The following CSMD1 variants were observed in gnomAD, a reference collection of about 807,000 sequenced individuals.
The protein encoded by CSMD1 is CUB and Sushi multiple domains 1, also known as CUB and sushi domain-containing protein 1.
In CSMD1, 213 loss-of-function variants were observed where a neutral mutation model predicts 417.5. The observed-to-expected ratio is 0.51, with a 90% CI of 0.46 to 0.57. The LOEUF is 0.57. CSMD1 is among the 20% of genes least tolerant of loss of function. The pLI, the probability that CSMD1 is intolerant of heterozygous loss-of-function variation, is 0.00. For synonymous variants in CSMD1, 2,862 were observed against 1,736.8 expected (o/e 1.65, Z -16.11); for missense variants, 6,923 against 4,529.7 (o/e 1.53, Z -15.17).
chr8:3,518,576 A>G (rs1401109890), intron 10 of CSMD1, among the ~76,000 whole-genome samples: 1 of 152,238 alleles, frequency 6.6e-6, no homozygotes, highest in Non-Finnish European at 1.5e-5. Context: ...GTAAATTAGA[A>G]TGCAACAATA....
chr8:3,042,670 T>C (rs968469830), intron 50 of CSMD1, among the ~76,000 whole-genome samples: 2 of 152,188 alleles, frequency 1.3e-5, no homozygotes, highest in Non-Finnish European at 2.9e-5. Context: ...CAAGCTCCCA[T>C]GTATACTCTG....
At chr8:3,529,982 AT>A (rs967556389) in intron 10 of CSMD1, among the ~76,000 whole-genome samples, 1 of 152,040 alleles carries the variant, frequency 6.6e-6, no homozygotes, top group African/African-American at 2.4e-5. Context: ...GCCATATGTC[AT>A]TTTTGTTTCC....
At chr8:3,521,823 G>C (rs1585297585) in intron 10 of CSMD1, among the ~76,000 whole-genome samples, 2 of 152,130 alleles carry the variant, frequency 1.3e-5, no homozygotes, top group African/African-American at 2.4e-5. Context: ...CACCTTCTTA[G>C]CTTTAAGAAA....
intron 11 of CSMD1, among the ~76,000 whole-genome samples, chr8:3,476,063 C>T (rs1817395711): frequency 6.6e-6 from 1 of 152,196 alleles, no homozygotes; most frequent in African/African-American, 2.4e-5. Context: ...GTGTTAAGGG[C>T]TGGAGGTGAT....
chr8:4,583,354 A>G (rs967912160), intron 2 of CSMD1, among the ~76,000 whole-genome samples: 3 of 151,872 alleles, frequency 2.0e-5, no homozygotes, highest in Non-Finnish European at 2.9e-5. Context: ...AAATACACCA[A>G]TCGGCATTCT....
rs142711514 is a variant in CSMD1 at position 4,780,415 on chromosome 8, A to ATCTGTCTG, written c.86-142865_86-142858dup. Among the ~76,000 whole-genome samples the ATCTGTCTG allele has an allele frequency of 7.0e-3, 1,063 of 151,740 alleles. 8 individuals carry two copies. Among genetic ancestry groups the ATCTGTCTG allele is most frequent in the African/African-American group, 0.024 (988 of 41,314 alleles). On this transcript the variant is annotated intron_variant, in intron 1 of 69. Coordinates refer to ENST00000635120, the MANE Select transcript of CSMD1 (RefSeq NM_033225.6). ...GCAGTTCATTCTGATTGATCAGTCG[A>ATCTGTCTG]TCTGTCTGTCTGTCTGTCTGTCTAC...
At chr8:4,953,973 C>G (rs1808913319) in intron 1 of CSMD1, among the ~76,000 whole-genome samples, 1 of 152,150 alleles carries the variant, frequency 6.6e-6, no homozygotes, top group Non-Finnish European at 1.5e-5. Flanking sequence ...TTAAGAAATA[C>G]TACCGAGATT....
intron 3 of CSMD1, among the ~76,000 whole-genome samples, chr8:4,275,049 C>T (rs1023421980): frequency 6.6e-6 from 1 of 152,012 alleles, no homozygotes; most frequent in African/African-American, 2.4e-5. Context: ...ACTACTTGCT[C>T]CAAGAAATTC....
chr8:4,885,291 CCTT>C (rs1392900707), intron 1 of CSMD1, among the ~76,000 whole-genome samples: 1 of 151,956 alleles, frequency 6.6e-6, no homozygotes, highest in Non-Finnish European at 1.5e-5. Context: ...AGATAGTTTT[CCTT>C]CTTTTTTTTA....
intron 26 of CSMD1, among the ~76,000 whole-genome samples, chr8:3,250,215 C>T (rs1222121700): frequency 1.3e-5 from 2 of 152,178 alleles, no homozygotes; most frequent in Admixed American, 1.3e-4. Flanking sequence ...CTGATCCCCC[C>T]ACCCCACAAC....
At chr8:4,456,844 C>T (rs1338326877) in intron 2 of CSMD1, among the ~76,000 whole-genome samples, 1 of 152,042 alleles carries the variant, frequency 6.6e-6, no homozygotes, top group Non-Finnish European at 1.5e-5. Flanking sequence ...AGGACCCATC[C>T]TGACCAAGCC....
chr8:3,873,396 C>G (rs564122859), intron 5 of CSMD1, among the ~76,000 whole-genome samples: 3 of 152,092 alleles, frequency 2.0e-5, no homozygotes, highest in Non-Finnish European at 2.9e-5. Context: ...AGATCATGTC[C>G]TTGGCAGGCA....
intron 1 of CSMD1, among the ~76,000 whole-genome samples, chr8:4,727,150 C>G (rs1389322006): frequency 6.6e-6 from 1 of 152,106 alleles, no homozygotes; most frequent in Non-Finnish European, 1.5e-5. Context: ...GGACACTTCG[C>G]TCTCAATCCA....
chr8:4,901,307 C>T (rs1013926165), intron 1 of CSMD1, among the ~76,000 whole-genome samples: 1 of 152,128 alleles, frequency 6.6e-6, no homozygotes, highest in African/African-American at 2.4e-5. Flanking sequence ...TTTTATTCCG[C>T]TTGTGTCATC....
chr8:4,587,565 G>C (rs545159816), intron 2 of CSMD1, among the ~76,000 whole-genome samples: 9 of 152,070 alleles, frequency 5.9e-5, no homozygotes, highest in Admixed American at 5.9e-4. Flanking sequence ...TTTTGATACA[G>C]AACCTTTCCT....
intron 5 of CSMD1, among the ~76,000 whole-genome samples, chr8:3,965,154 T>C (rs1563261524): frequency 6.6e-6 from 1 of 152,186 alleles, no homozygotes; most frequent in Non-Finnish European, 1.5e-5. Flanking sequence ...TAATAGTTTC[T>C]TGCTTTTTAA....
At chr8:4,622,314 C>T (rs12335285) in intron 2 of CSMD1, among the ~76,000 whole-genome samples, 65,922 of 151,610 alleles carry the variant, frequency 0.43, 14,888 homozygotes, top group African/African-American at 0.56. Context: ...GATTTAGTGG[C>T]CCACCGGGCA....
In CSMD1 at chr8:3,811,421, A is replaced by G. The variant is rs547597315; in HGVS notation, c.819-57379T>C. 3.0e-4 allele frequency among the ~76,000 whole-genome samples: 45 copies of G among 152,238 alleles called. No individual in the cohort carries two copies. In the South Asian group the frequency reaches 4.8e-3, roughly 16 times the overall value. ...GACCATGTAGTAAGGCATTTGCTTC[A>G]TGTTCGACTTACTGGGAGTGGGCAT... On this transcript the variant is annotated intron_variant, in intron 5 of 69. Coordinates refer to ENST00000635120, the MANE Select transcript of CSMD1 (RefSeq NM_033225.6).
At chr8:4,144,037 G>A (rs1021466879) in intron 3 of CSMD1, among the ~76,000 whole-genome samples, 19 of 151,230 alleles carry the variant, frequency 1.3e-4, no homozygotes, top group Admixed American at 1.2e-3. Flanking sequence ...AGCAGCCTTT[G>A]ATCCTTTGTT....
Sources: allele counts gnomAD v4.1 joint callset (sites outside exome capture counted in the v4.1 genomes callset), GRCh38; gene constraint gnomAD v4.1.1; transcripts MANE v1.5; gene names NCBI Gene and HGNC (gene_info 2026-07-23, HGNC 2026-07-21).